CAST: variants seen among roughly 807,000 people sequenced by gnomAD.
The protein encoded by CAST is MIR583 host.
Under a neutral mutation model 119.6 loss-of-function variants are expected in CAST, and 76 were observed. That is an observed-to-expected ratio of 0.64 (90% confidence interval 0.53 to 0.77). The LOEUF (loss-of-function observed/expected upper bound fraction) is 0.77, where lower values mean the gene tolerates loss of function less well. Among genes scored for constraint, CAST ranks in the 30% least tolerant of loss-of-function variants. CAST has a pLI of 0.00. For synonymous variants in CAST, 319 were observed against 331.6 expected, an observed-to-expected ratio of 0.96 and a Z score of 0.41; for missense variants, 953 against 946.5, an observed-to-expected ratio of 1.01 and a Z score of -0.09.
intron 2 of CAST, among the ~76,000 whole-genome samples, chr5:96,683,177 G>A (rs1355590536): frequency 6.6e-6 from 1 of 152,204 alleles, no homozygotes; most frequent in Admixed American, 6.5e-5. Context: ...TGGAGTATGA[G>A]CATTCAGGAA....
the CAST span, among the ~76,000 whole-genome samples, chr5:96,037,441 G>A: frequency 6.6e-6 from 1 of 152,058 alleles, no homozygotes; most frequent in African/African-American, 2.4e-5. Context: ...CTATCTGTGT[G>A]GGGCAACATT....
the CAST span, among the ~76,000 whole-genome samples, chr5:96,295,049 G>C: frequency 6.6e-6 from 1 of 152,078 alleles, no homozygotes; most frequent in Non-Finnish European, 1.5e-5. Context: ...CACTACAAAG[G>C]GAAAAGCTGC....
At chr5:96,065,401 CTGTG>C in the CAST span, among the ~76,000 whole-genome samples, 186 of 149,104 alleles carry the variant, frequency 1.2e-3, 2 homozygotes, top group East Asian at 6.6e-3. Context: ...GGTTAATGAT[CTGTG>C]TGTGTGTGTG....
At chr5:96,308,862 G>A in the CAST span, 2 of 152,380 alleles carry the variant, frequency 1.3e-5, no homozygotes, top group Non-Finnish European at 2.9e-5. Context: ...CTAGATGCCA[G>A]GCAGAGTTCT....
At chr5:96,595,697 A>G (rs1747041162) in intron 1 of CAST, among the ~76,000 whole-genome samples, 1 of 152,232 alleles carries the variant, frequency 6.6e-6, no homozygotes, top group African/African-American at 2.4e-5. Context: ...GAGGCCAAAG[A>G]AAGTATTTCA....
chr5:96,616,769 C>T (rs1243195021), intron 1 of CAST, among the ~76,000 whole-genome samples: 2,281 of 149,518 alleles, frequency 0.015, 74 homozygotes, highest in East Asian at 0.048. Flanking sequence ...CACACACACA[C>T]ACACACACAC....
At chr5:96,542,785 A>G (rs979875984) in intron 1 of CAST, among the ~76,000 whole-genome samples, 1 of 152,228 alleles carries the variant, frequency 6.6e-6, no homozygotes, top group African/African-American at 2.4e-5. Flanking sequence ...ACATACGAAA[A>G]AAAGCTCATT....
At chr5:96,283,080 A>C in the CAST span, among the ~76,000 whole-genome samples, 9 of 145,880 alleles carry the variant, frequency 6.2e-5, no homozygotes, top group African/African-American at 2.3e-4. Flanking sequence ...CAGTGAGCCG[A>C]GATTGCGCCA....
chr5:96,704,211 G>A (rs1754484587), intron 3 of CAST, among the ~76,000 whole-genome samples: 1 of 152,198 alleles, frequency 6.6e-6, no homozygotes, highest in African/African-American at 2.4e-5. Context: ...TTATGAAGCA[G>A]CACATTCAAG....
At chr5:96,651,068 T>A (rs1028796643) in intron 1 of CAST, among the ~76,000 whole-genome samples, 44 of 151,766 alleles carry the variant, frequency 2.9e-4, no homozygotes, top group Non-Finnish European at 5.9e-4. Flanking sequence ...AGAAAAAAAA[T>A]TGAACTAATA....
chr5:96,369,976 C>G, the CAST span, among the ~76,000 whole-genome samples: 1 of 151,982 alleles, frequency 6.6e-6, no homozygotes, highest in Non-Finnish European at 1.5e-5. Flanking sequence ...TATGTCATGA[C>G]TTAGGTTAAA....
upstream of CAST, among the ~76,000 whole-genome samples, chr5:96,520,565 A>ATGTG: frequency 6.6e-6 from 1 of 151,266 alleles, no homozygotes; most frequent in Admixed American, 6.6e-5. Context: ...CTAGGTGTGT[A>ATGTG]TGTGTGTGTG....
chr5:96,650,132 A>G (rs1424306042), intron 1 of CAST, among the ~76,000 whole-genome samples: 2 of 152,226 alleles, frequency 1.3e-5, no homozygotes, highest in Non-Finnish European at 2.9e-5. Flanking sequence ...TACAATGCTC[A>G]TCAAATACCC....
chr5:96,228,030 C>G, the CAST span, among the ~76,000 whole-genome samples: 3 of 151,618 alleles, frequency 2.0e-5, no homozygotes, highest in African/African-American at 7.3e-5. Flanking sequence ...TGTGTGTGCA[C>G]GCACATGTGT....
At chr5:96,579,633 T>G (rs994261010) in intron 1 of CAST, among the ~76,000 whole-genome samples, 1 of 152,190 alleles carries the variant, frequency 6.6e-6, no homozygotes, top group Admixed American at 6.5e-5. Flanking sequence ...CGCTGTGCTA[T>G]TCCTCCTGAC....
the CAST span, among the ~76,000 whole-genome samples, chr5:96,464,540 A>G: frequency 6.6e-6 from 1 of 152,116 alleles, no homozygotes; most frequent in South Asian, 2.1e-4. Context: ...AGGAGCATTT[A>G]GCCAAAATAC....
chr5:96,501,807 C>T, the CAST span, among the ~76,000 whole-genome samples: 2 of 152,174 alleles, frequency 1.3e-5, no homozygotes, highest in African/African-American at 4.8e-5. Flanking sequence ...ACGGTGATCC[C>T]ATAGGATTAT....
At chr5:96,647,813 T>C (rs1748036496) in intron 1 of CAST, among the ~76,000 whole-genome samples, 3 of 152,148 alleles carry the variant, frequency 2.0e-5, no homozygotes, top group Admixed American at 2.0e-4. Context: ...TGATTTTGGA[T>C]TCGTAACCTC....
the CAST span, among the ~76,000 whole-genome samples, chr5:96,495,793 A>G: frequency 6.6e-6 from 1 of 152,206 alleles, no homozygotes; most frequent in Admixed American, 6.5e-5. Context: ...ATTCACAAAA[A>G]TTATTTCAAG....
Sources: gnomAD v4.1 joint callset for allele counts (sites outside exome capture counted in the v4.1 genomes callset) on GRCh38, gnomAD v4.1.1 for gene constraint, MANE v1.5 for transcripts, NCBI Gene and HGNC (gene_info 2026-07-23, HGNC 2026-07-21) for gene names.